Variants in CTNNA2 observed in about 807,000 individuals in gnomAD.
CTNNA2 encodes the protein catenin alpha-2.
A neutral mutation model predicts 101.0 loss-of-function variants in CTNNA2; 42 were observed. The observed-to-expected ratio is 0.42, with a 90% CI of 0.32 to 0.54. CTNNA2 has a LOEUF of 0.54. Among genes scored for constraint, CTNNA2 ranks in the 20% least tolerant of loss-of-function variants. CTNNA2 has a pLI of 0.14. For missense variants in CTNNA2, 871 were observed against 1,223.1 expected (o/e 0.71, Z 4.29); for synonymous variants, 450 against 456.4 (o/e 0.99, Z 0.18).
chr2:80,086,099 AG>A (rs1699425533), intron 7 of CTNNA2, among the ~76,000 whole-genome samples: 1 of 152,108 alleles, frequency 6.6e-6, no homozygotes, highest in African/African-American at 2.4e-5. Context: ...GAAGACAATA[AG>A]GTGATTTGGC....
At chr2:79,522,415 A>G (rs1404854808) in intron 1 of CTNNA2, among the ~76,000 whole-genome samples, 1 of 152,204 alleles carries the variant, frequency 6.6e-6, no homozygotes, top group Non-Finnish European at 1.5e-5. Flanking sequence ...TAAGTTGACA[A>G]TCTAGTAGGG....
At chr2:79,718,102 A>T (rs1165784232) in intron 2 of CTNNA2, among the ~76,000 whole-genome samples, 6 of 152,182 alleles carry the variant, frequency 3.9e-5, no homozygotes, top group Non-Finnish European at 8.8e-5. Flanking sequence ...ATAAAAGGGA[A>T]AAGAAAAAAG....
At chr2:80,466,256 T>C (rs1295478174) in intron 9 of CTNNA2, among the ~76,000 whole-genome samples, 14 of 152,224 alleles carry the variant, frequency 9.2e-5, no homozygotes, top group Admixed American at 9.2e-4. Flanking sequence ...GAGAGCTTTC[T>C]ACCCAAATAA....
At chr2:79,436,918 A>G (rs979209732) in intron 4 of CTNNA2, among the ~76,000 whole-genome samples, 9 of 150,518 alleles carry the variant, frequency 6.0e-5, no homozygotes, top group African/African-American at 2.2e-4. Flanking sequence ...GGCGTGAGCC[A>G]CCATGCCCGG....
chr2:79,640,204 A>G (rs1680357849), intron 1 of CTNNA2, among the ~76,000 whole-genome samples: 1 of 152,160 alleles, frequency 6.6e-6, no homozygotes, highest in African/African-American at 2.4e-5. Context: ...GAATTCAGAG[A>G]AAAGAAAAGT....
At chr2:79,278,059 A>T (rs1346495938) in intron 2 of CTNNA2, among the ~76,000 whole-genome samples, 2 of 152,126 alleles carry the variant, frequency 1.3e-5, no homozygotes, top group Non-Finnish European at 2.9e-5. Context: ...GTGGAGGATG[A>T]AGGAAGGTAA....
intron 7 of CTNNA2, among the ~76,000 whole-genome samples, chr2:80,277,308 G>A (rs180735015): frequency 2.0e-5 from 3 of 152,138 alleles, no homozygotes; most frequent in East Asian, 3.9e-4. Context: ...TTTTTACTGA[G>A]GTCTCATTAC....
chr2:80,010,932 A>G (rs565052849), intron 7 of CTNNA2, among the ~76,000 whole-genome samples: 87 of 152,282 alleles, frequency 5.7e-4, no homozygotes, highest in Non-Finnish European at 4.9e-4. Flanking sequence ...GGGTCTCCAT[A>G]TATAGATTTT....
chr2:80,563,891 T>C (rs1693823803), intron 12 of CTNNA2, among the ~76,000 whole-genome samples: 1 of 152,154 alleles, frequency 6.6e-6, no homozygotes, highest in Non-Finnish European at 1.5e-5. Flanking sequence ...ATATCTGTCC[T>C]AGTGTTTATA....
intron 9 of CTNNA2, among the ~76,000 whole-genome samples, chr2:80,459,222 C>T (rs572196618): frequency 5.3e-5 from 8 of 152,136 alleles, no homozygotes; most frequent in African/African-American, 1.9e-4. Flanking sequence ...GAAGGTATTC[C>T]TACTCAGTGA....
intron 15 of CTNNA2, among the ~76,000 whole-genome samples, chr2:80,595,524 A>G (rs912126001): frequency 5.9e-5 from 9 of 152,222 alleles, no homozygotes; most frequent in African/African-American, 2.2e-4. Context: ...AGGAGTGGCA[A>G]GAGCAGGCAT....
intron 7 of CTNNA2, among the ~76,000 whole-genome samples, chr2:80,355,174 T>C (rs1165767725): frequency 3.9e-5 from 6 of 152,150 alleles, no homozygotes; most frequent in Non-Finnish European, 8.8e-5. Flanking sequence ...CCATTCTCTC[T>C]TTTTTTCCTT....
chr2:79,821,844 G>C (rs969173127), intron 3 of CTNNA2, among the ~76,000 whole-genome samples: 1 of 152,130 alleles, frequency 6.6e-6, no homozygotes. Flanking sequence ...CTACATTAGA[G>C]AGTAGCTTGA....
chr2:80,141,642 T>A (rs987048370), intron 7 of CTNNA2, among the ~76,000 whole-genome samples: 9 of 151,822 alleles, frequency 5.9e-5, no homozygotes, highest in African/African-American at 2.2e-4. Context: ...GTTCCACCAG[T>A]GAGATGGAGC....
At chr2:79,370,507 C>T (rs1414304341) in intron 3 of CTNNA2, among the ~76,000 whole-genome samples, 1 of 152,138 alleles carries the variant, frequency 6.6e-6, no homozygotes, top group East Asian at 1.9e-4. Context: ...GCTTTCTCTG[C>T]CTCTAGCTCT....
At chr2:80,264,484 A>G (rs181452134) in intron 7 of CTNNA2, among the ~76,000 whole-genome samples, 12 of 152,218 alleles carry the variant, frequency 7.9e-5, no homozygotes, top group African/African-American at 1.9e-4. Flanking sequence ...ATATTTCTCC[A>G]TTTGATTTTG....
chr2:79,780,469 T>G (rs1161599374), intron 3 of CTNNA2, among the ~76,000 whole-genome samples: 1 of 152,208 alleles, frequency 6.6e-6, no homozygotes, highest in African/African-American at 2.4e-5. Flanking sequence ...GGCTTTTGTC[T>G]GGGGAATACA....
chr2:79,214,532 C>G (rs1674220203), intron 2 of CTNNA2, among the ~76,000 whole-genome samples: 2 of 152,062 alleles, frequency 1.3e-5, no homozygotes, highest in Non-Finnish European at 2.9e-5. Context: ...AGGCTTTAAT[C>G]CTTTTAAAGC....
At chr2:79,687,738 A>G in intron 2 of CTNNA2, 1 of 478,960 alleles carries the variant, frequency 2.1e-6, no homozygotes, top group Non-Finnish European at 3.7e-6. Context: ...TTTGGAAAAA[A>G]TAAGATATCC....
Sources: gnomAD v4.1 joint callset for allele counts (sites outside exome capture counted in the v4.1 genomes callset) on GRCh38, gnomAD v4.1.1 for gene constraint, MANE v1.5 for transcripts, NCBI Gene and HGNC (gene_info 2026-07-23, HGNC 2026-07-21) for gene names.